The following RARB variants were observed in gnomAD, a reference collection of about 807,000 sequenced individuals.
RARB encodes the protein HBV-activated protein.
In RARB, 17 loss-of-function variants were observed where a neutral mutation model predicts 51.9. That is an observed-to-expected ratio of 0.33 (90% CI 0.22 to 0.49). The LOEUF is 0.49. RARB is among the 20% of genes least tolerant of loss of function. The probability of loss-of-function intolerance (pLI) is 0.99; values close to 1 mark genes in which losing one functional copy is unlikely to be tolerated. For missense variants in RARB, 369 were observed against 550.8 expected (o/e 0.67, Z 3.30); for synonymous variants, 215 against 195.4 (o/e 1.10, Z -0.84).
chr3:24,990,897 A>G (rs1388286173), intron 2 of RARB, among the ~76,000 whole-genome samples: 1 of 152,222 alleles, frequency 6.6e-6, no homozygotes, highest in Non-Finnish European at 1.5e-5. Flanking sequence ...TAGTAAAGCA[A>G]AGTTTAAAAT....
intron 5 of RARB, among the ~76,000 whole-genome samples, chr3:25,411,514 C>T (rs1707561945): frequency 6.6e-6 from 1 of 152,188 alleles, no homozygotes; most frequent in East Asian, 1.9e-4. Flanking sequence ...ACGCGAATCA[C>T]CTACATTCTA....
intron 2 of RARB, among the ~76,000 whole-genome samples, chr3:24,910,002 C>G (rs768592999): frequency 6.6e-6 from 1 of 152,050 alleles, no homozygotes; most frequent in Non-Finnish European, 1.5e-5. Flanking sequence ...TTTAATTGTT[C>G]TAGCCAGAGA....
At chr3:25,002,558 A>T (rs900308059) in intron 2 of RARB, among the ~76,000 whole-genome samples, 2 of 152,190 alleles carry the variant, frequency 1.3e-5, no homozygotes, top group Non-Finnish European at 2.9e-5. Flanking sequence ...TTTAGACTAT[A>T]AAGTTTATAG....
intron 3 of RARB, among the ~76,000 whole-genome samples, chr3:25,533,174 A>C (rs969926794): frequency 5.3e-5 from 8 of 152,246 alleles, no homozygotes; most frequent in African/African-American, 1.9e-4. Flanking sequence ...TAAAGTGAAA[A>C]TATGCAGTTT....
intron 4 of RARB, among the ~76,000 whole-genome samples, chr3:25,142,351 A>G (rs113536576): frequency 1.3e-5 from 2 of 152,234 alleles, no homozygotes; most frequent in Non-Finnish European, 2.9e-5. Flanking sequence ...GAAATAATAA[A>G]AAAAAAATCT....
chr3:25,430,188 G>A (rs991913238), intron 1 of RARB, among the ~76,000 whole-genome samples: 1 of 152,166 alleles, frequency 6.6e-6, no homozygotes, highest in Non-Finnish European at 1.5e-5. Context: ...CCATAAGCAG[G>A]GCAAAAAGAA....
chr3:24,913,313 T>TC (rs1367221344), intron 2 of RARB, among the ~76,000 whole-genome samples: 2 of 151,880 alleles, frequency 1.3e-5, no homozygotes, highest in Non-Finnish European at 2.9e-5. Context: ...CAGAGGGTTT[T>TC]CCCACTGAGA....
At chr3:25,494,903 C>A (rs1173254825) in intron 2 of RARB, among the ~76,000 whole-genome samples, 1 of 152,298 alleles carries the variant, frequency 6.6e-6, no homozygotes, top group Middle Eastern at 3.4e-3. Context: ...TCACTGGACG[C>A]CTGCTATGTG....
intron 3 of RARB, among the ~76,000 whole-genome samples, chr3:25,112,664 G>A (rs1699622350): frequency 6.6e-6 from 1 of 152,102 alleles, no homozygotes; most frequent in Non-Finnish European, 1.5e-5. Flanking sequence ...TGTGGTCCCA[G>A]CTACTCAGGA....
chr3:25,578,602 C>G (rs1701040809), intron 4 of RARB, among the ~76,000 whole-genome samples: 1 of 152,184 alleles, frequency 6.6e-6, no homozygotes, highest in Non-Finnish European at 1.5e-5. Flanking sequence ...AATTACGGCC[C>G]AAATGGCCAC....
intron 5 of RARB, among the ~76,000 whole-genome samples, chr3:25,193,548 T>C (rs1280809718): frequency 1.3e-5 from 2 of 152,096 alleles, no homozygotes; most frequent in African/African-American, 4.8e-5. Flanking sequence ...CAGCATCTCA[T>C]TCTAAGCAAT....
chr3:25,144,507 G>C (rs927810420), intron 4 of RARB, among the ~76,000 whole-genome samples: 1 of 152,064 alleles, frequency 6.6e-6, no homozygotes, highest in Non-Finnish European at 1.5e-5. Flanking sequence ...CAGATCAAAT[G>C]CATATAATAC....
chr3:24,832,611 A>T (rs1173447215), intron 1 of RARB, among the ~76,000 whole-genome samples: 1 of 135,684 alleles, frequency 7.4e-6, no homozygotes, highest in African/African-American at 2.8e-5. Flanking sequence ...CCCTGTATTT[A>T]GAAAAAATTG....
At chr3:24,951,593 A>C (rs35025157) in intron 2 of RARB, among the ~76,000 whole-genome samples, 38,419 of 152,082 alleles carry the variant, frequency 0.25, 5,159 homozygotes, top group East Asian at 0.44. Flanking sequence ...ACATCCCTCT[A>C]CTAGGCATCC....
At position 25,303,089 on chromosome 3, in the gene RARB, C is replaced by T. The variant is rs957460298; in HGVS notation, c.178+128514C>T. On this transcript the variant is annotated intron_variant, in intron 5 of 11. Coordinates refer to the RARB transcript ENST00000383772. ...AGAGCCTGTATTTATTCTCTTATTT[C>T]CTTGAGTTCTTTCTCAGTAGGCTCC... 5.9e-5 allele frequency among the ~76,000 whole-genome samples: 9 copies of T among 152,132 alleles called. No individual in the cohort carries two copies. In the South Asian group the frequency reaches 6.2e-4, roughly 11 times the overall value.
Position 24,916,347 on chromosome 3 carries a change from G to A in RARB, c.-380+57595G>A, listed in dbSNP as rs142313539. ...CTTAAGGCCCCACAGAAGGGCATCAGGAGAGTAAGATTAACATAATCCCAT... is the reference window on the plus strand; with the variant it reads ...CTTAAGGCCCCACAGAAGGGCATCAAGAGAGTAAGATTAACATAATCCCAT... On this transcript the variant is annotated intron_variant, in intron 2 of 11. Transcript: ENST00000383772. Among the ~76,000 whole-genome samples, 419 of 152,280 alleles carry A rather than the reference G, an allele frequency of 2.8e-3. 1 individual carries two copies. The highest frequency in any genetic ancestry group is 9.7e-3 in the African/African-American group (404 of 41,564).
At chr3:25,463,860 A>G (rs537652020) in intron 2 of RARB, among the ~76,000 whole-genome samples, 1 of 152,302 alleles carries the variant, frequency 6.6e-6, no homozygotes, top group African/African-American at 2.4e-5. Context: ...ATTTTATGGC[A>G]ATTCTCTTTT....
At chr3:24,874,572 A>T (rs961389430) in intron 2 of RARB, among the ~76,000 whole-genome samples, 3 of 152,076 alleles carry the variant, frequency 2.0e-5, no homozygotes, top group African/African-American at 7.2e-5. Flanking sequence ...ATTGCTAGTC[A>T]TGCTTATTAT....
chr3:25,158,744 T>C (rs1017524992), intron 4 of RARB, among the ~76,000 whole-genome samples: 27 of 152,210 alleles, frequency 1.8e-4, no homozygotes, highest in African/African-American at 6.3e-4. Flanking sequence ...CAATAAAGAT[T>C]TATTTCTCAC....
Sources: gnomAD v4.1 joint callset for allele counts (sites outside exome capture counted in the v4.1 genomes callset) on GRCh38, gnomAD v4.1.1 for gene constraint, MANE v1.5 for transcripts, NCBI Gene and HGNC (gene_info 2026-07-23, HGNC 2026-07-21) for gene names.